The following IGBP1 variants were observed in gnomAD, a reference collection of about 807,000 sequenced individuals.
The protein encoded by IGBP1 is immunoglobulin-binding protein 1.
A neutral mutation model predicts 25.9 loss-of-function variants in IGBP1; 2 were observed. The ratio of observed to expected loss-of-function variants is 0.08; its 90% CI spans 0.03 to 0.24. The LOEUF is 0.24. IGBP1 is among the 10% of genes least tolerant of loss of function. The pLI is 1.00. For missense variants in IGBP1, 187 were observed against 260.4 expected (o/e 0.72, Z 1.94); for synonymous variants, 96 against 93.4 (o/e 1.03, Z -0.16).
intron 4 of IGBP1, among the ~76,000 whole-genome samples, chrX:70,147,205 G>A (rs1004958593): frequency 1.8e-5 from 2 of 111,407 alleles, no homozygotes; most frequent in Non-Finnish European, 3.8e-5. Flanking sequence ...ATGCCGAGGC[G>A]GGTAGATCAC....
intron 3 of IGBP1, among the ~76,000 whole-genome samples, chrX:70,138,870 A>G (rs915727116): frequency 1.8e-5 from 2 of 112,294 alleles, no homozygotes; most frequent in African/African-American, 3.2e-5. Flanking sequence ...CTTTAAATGT[A>G]TCTGTCACTG....
At chrX:70,144,762 C>T (rs750458688) in intron 3 of IGBP1, among the ~76,000 whole-genome samples, 3 of 96,835 alleles carry the variant, frequency 3.1e-5, no homozygotes, top group African/African-American at 1.2e-4. Context: ...CTGGTTCAAG[C>T]GATTTTCCTG....
intron 3 of IGBP1, among the ~76,000 whole-genome samples, chrX:70,136,716 ATTATTATTATT>A (rs2085096895): frequency 9.4e-6 from 1 of 106,736 alleles, no homozygotes; most frequent in African/African-American, 3.4e-5. Flanking sequence ...TATTATTATT[ATTATTATTATT>A]ATACAGAGTT....
At chrX:70,164,810 C>T (rs1209899633) in intron 6 of IGBP1, 4 of 112,004 alleles carry the variant, frequency 3.6e-5, no homozygotes, top group South Asian at 3.7e-4. Context: ...AAGAAAAGAA[C>T]GAGGCAAGGT....
chrX:70,141,253 A>G (rs1430806525), intron 3 of IGBP1, among the ~76,000 whole-genome samples: 1 of 110,153 alleles, frequency 9.1e-6, no homozygotes, highest in African/African-American at 3.3e-5. Context: ...AGGCTGTGGC[A>G]GGAGAATCGC....
chrX:70,157,104 A>G (rs773827456), intron 6 of IGBP1, among the ~76,000 whole-genome samples: 1 of 112,295 alleles, frequency 8.9e-6, no homozygotes, highest in South Asian at 3.6e-4. Flanking sequence ...TTAAAAATAA[A>G]TAAAAGAGAA....
intron 1 of IGBP1, 43 bp downstream of exon 1, chrX:70,133,583 TCCGCACTCCTCGC>T (rs2085075801): frequency 5.1e-6 from 2 of 394,307 alleles, no homozygotes; most frequent in Non-Finnish European, 8.7e-6. Flanking sequence ...CACTCGCTCG[TCCGCACTCCTCGC>T]GCTCCGAATT....
chrX:70,161,724 A>G, intron 6 of IGBP1, among the ~76,000 whole-genome samples: 1 of 111,543 alleles, frequency 9.0e-6, no homozygotes, highest in East Asian at 2.8e-4. Flanking sequence ...AATATGAGGT[A>G]TGGCTTTTAC....
chrX:70,148,038 C>T (rs2085178387), intron 4 of IGBP1, among the ~76,000 whole-genome samples: 1 of 111,716 alleles, frequency 9.0e-6, no homozygotes, highest in Admixed American at 9.5e-5. Context: ...CCTGCCCTGT[C>T]CCTTTCTTTG....
chrX:70,136,288 ACAGT>A (rs1359814930), intron 3 of IGBP1, among the ~76,000 whole-genome samples: 1 of 111,840 alleles, frequency 8.9e-6, no homozygotes, highest in East Asian at 2.8e-4. Context: ...GAAGCAATAC[ACAGT>A]CAGGGGAACA....
chrX:70,143,420 C>T (rs773975757), intron 3 of IGBP1, among the ~76,000 whole-genome samples: 2 of 112,428 alleles, frequency 1.8e-5, no homozygotes, highest in Non-Finnish European at 3.8e-5. Flanking sequence ...ATAGTCTTCA[C>T]AAAAGATGAA....
chrX:70,138,716 A>C (rs1216434077), intron 3 of IGBP1, among the ~76,000 whole-genome samples: 1 of 108,952 alleles, frequency 9.2e-6, no homozygotes, highest in African/African-American at 3.5e-5. Context: ...ACCTAACATT[A>C]TACCATGAGC....
At chrX:70,151,421 C>T (rs994293877) in intron 6 of IGBP1, among the ~76,000 whole-genome samples, 8 of 111,453 alleles carry the variant, frequency 7.2e-5, no homozygotes, top group Admixed American at 5.7e-4. Context: ...AGCAATCCTT[C>T]TGCCTCAGCC....
intron 3 of IGBP1, among the ~76,000 whole-genome samples, chrX:70,137,959 G>A (rs1387781448): frequency 2.2e-5 from 2 of 91,254 alleles, no homozygotes; most frequent in African/African-American, 4.4e-5. Flanking sequence ...ATGGCAAAAC[G>A]CCATCTCTGC....
chrX:70,134,204 C>T, intron 2 of IGBP1, 69 bp downstream of exon 2: 1 of 1,004,504 alleles, frequency 1.0e-6, no homozygotes, highest in East Asian at 3.0e-5. Context: ...GGAGCCATTG[C>T]GCCTGAGTGG....
At chrX:70,157,835 A>G (rs143327797) in intron 6 of IGBP1, among the ~76,000 whole-genome samples, 51 of 112,061 alleles carry the variant, frequency 4.6e-4, no homozygotes, top group African/African-American at 1.6e-3. Context: ...CTGGGTACTG[A>G]TTACATGGAT....
In IGBP1 at chrX:70,150,275, G is replaced by A. The variant is rs139922265; in HGVS notation, c.824G>A (p.Arg275Gln). 192 of 1,203,511 alleles carry A rather than the reference G, an allele frequency of 1.6e-4. 1 individual carries two copies. In the African/African-American group the frequency reaches 3.0e-3, roughly 18 times the overall value. Residue 275 changes from arginine to glutamine, a missense_variant, in exon 6 of 7, where the codon CGG becomes CAG. Physicochemically the swap from Arg to Gln is conservative, Grantham distance 43. Coordinates refer to ENST00000356413, the MANE Select transcript of IGBP1 (RefSeq NM_001551.3). ...GTGAGTGACTGGTATGAGCAACATC[G>A]GAAATATGGAGCATTACCGGATCAG... ...MTVSDWYEQH[R>Q]KYGALPDQGI...
chrX:70,164,513 TAAA>T (rs1404078739), intron 6 of IGBP1, among the ~76,000 whole-genome samples: 1 of 111,922 alleles, frequency 8.9e-6, no homozygotes, highest in African/African-American at 3.3e-5. Flanking sequence ...ATACATTGAG[TAAA>T]AAAATGAATG....
intron 3 of IGBP1, among the ~76,000 whole-genome samples, chrX:70,145,396 G>C (rs767713948): frequency 2.7e-5 from 3 of 110,758 alleles, no homozygotes; most frequent in Middle Eastern, 4.6e-3. Flanking sequence ...CTCTCACTTG[G>C]ATTGTGGCAG....
Sources: allele counts gnomAD v4.1 joint callset (sites outside exome capture counted in the v4.1 genomes callset), GRCh38; gene constraint gnomAD v4.1.1; transcripts MANE v1.5; gene names NCBI Gene and HGNC (gene_info 2026-07-23, HGNC 2026-07-21).